FMN1: variants seen among roughly 807,000 people sequenced by gnomAD.
The protein encoded by FMN1 is formin-1.
Under a neutral mutation model 132.4 loss-of-function variants are expected in FMN1, and 110 were observed. That is an observed-to-expected ratio of 0.83 (90% confidence interval 0.71 to 0.97). The LOEUF (loss-of-function observed/expected upper bound fraction) is 0.97, where lower values mean the gene tolerates loss of function less well. Among genes scored for constraint, FMN1 ranks in the 50% least tolerant of loss-of-function variants. The pLI is 0.00. For synonymous variants in FMN1, 722 were observed against 651.7 expected (o/e 1.11, Z -1.64); for missense variants, 1,792 against 1,705.3 (o/e 1.05, Z -0.90).
Position 32,950,014 on chromosome 15 carries a change from T to TAC in FMN1, c.3138+14091_3138+14092dup, listed in dbSNP as rs1249219326. ...ATATATACACATACACATATATATA[T>TAC]ACACATATATATATATATACACATA... On this transcript the variant is annotated intron_variant, in intron 9 of 20. Transcript: ENST00000616417. Among the ~76,000 whole-genome samples, 10 of 7,124 alleles carry TAC rather than the reference T, an allele frequency of 1.4e-3. 2 individuals are homozygous for TAC. Among genetic ancestry groups the TAC allele is most frequent in the African/African-American group, 3.4e-3 (8 of 2,372 alleles). The allele number at this position is 7,124 out of a possible 152,430, so 4.7% of individuals were successfully genotyped here.
chr15:32,787,673 C>A (rs1400142611), intron 19 of FMN1, among the ~76,000 whole-genome samples: 11 of 152,086 alleles, frequency 7.2e-5, no homozygotes, highest in African/African-American at 1.2e-4. Context: ...CACAGCAAGA[C>A]CCTCTCAACT....
intron 4 of FMN1, among the ~76,000 whole-genome samples, chr15:33,111,731 G>C (rs2039713441): frequency 2.0e-5 from 3 of 152,046 alleles, no homozygotes; most frequent in South Asian, 2.1e-4. Flanking sequence ...GAAATTTCCA[G>C]AACAGGCAAA....
At chr15:32,941,092 C>T (rs1218865992) in intron 9 of FMN1, among the ~76,000 whole-genome samples, 1 of 152,140 alleles carries the variant, frequency 6.6e-6, no homozygotes. Flanking sequence ...AATCAAGCTG[C>T]AGGAACCAAT....
intron 6 of FMN1, among the ~76,000 whole-genome samples, chr15:33,008,396 G>A (rs2034529842): frequency 1.3e-5 from 2 of 152,040 alleles, no homozygotes; most frequent in South Asian, 4.1e-4. Context: ...TGGAAATTAA[G>A]TCCCCACAGA....
rs372589490 is a variant in FMN1, at chr15:32,785,910, A to C, written c.4131-8991T>G. Among the ~76,000 whole-genome samples, 160 of 152,344 alleles carry C rather than the reference A, an allele frequency of 1.1e-3. 5 individuals are homozygous for C. In the South Asian group the frequency reaches 0.03, roughly 28 times the overall value. On this transcript the variant is annotated intron_variant, in intron 19 of 20. Coordinates refer to ENST00000616417, the MANE Select transcript of FMN1 (RefSeq NM_001277313.2). ...ATGGTTCATGAAAGGCATCTTGGGAAACACATGAGATCTGACCAGCTATAA... is the reference window on the plus strand; with the variant it reads ...ATGGTTCATGAAAGGCATCTTGGGACACACATGAGATCTGACCAGCTATAA...
At chr15:33,076,077 G>C (rs180750719) in intron 5 of FMN1, among the ~76,000 whole-genome samples, 1 of 152,160 alleles carries the variant, frequency 6.6e-6, no homozygotes, top group African/African-American at 2.4e-5. Flanking sequence ...ATGTAAAAGG[G>C]GAGAGAAAGG....
intron 5 of FMN1, chr15:33,067,872 C>G (rs1566886233): frequency 6.2e-7 from 1 of 1,609,486 alleles, no homozygotes. Flanking sequence ...AGAGAATTAT[C>G]AACGTTCTCC....
At chr15:32,787,660 C>T (rs2056925405) in intron 19 of FMN1, among the ~76,000 whole-genome samples, 1 of 152,062 alleles carries the variant, frequency 6.6e-6, no homozygotes, top group South Asian at 2.1e-4. Flanking sequence ...CCAGCCTGGG[C>T]AACACAGCAA....
intron 6 of FMN1, among the ~76,000 whole-genome samples, chr15:33,026,438 A>ACACT: frequency 6.6e-6 from 1 of 151,700 alleles, no homozygotes; most frequent in East Asian, 1.9e-4. Context: ...ACACACACAC[A>ACACT]CTTCTGTTTA....
intron 6 of FMN1, among the ~76,000 whole-genome samples, chr15:33,040,335 T>C (rs2036373581): frequency 6.6e-6 from 1 of 152,188 alleles, no homozygotes; most frequent in African/African-American, 2.4e-5. Context: ...GAATGTTTGA[T>C]TGAACTTATT....
intron 18 of FMN1, 134 bp downstream of exon 18, chr15:32,804,147 G>T: frequency 1.5e-6 from 1 of 665,840 alleles, no homozygotes. Flanking sequence ...TGTTTAAAGG[G>T]TATAAAGTTT....
intron 18 of FMN1, 55 bp from the exon 19 acceptor site, chr15:32,799,008 C>T (rs2057387600): frequency 6.5e-7 from 1 of 1,536,718 alleles, no homozygotes; most frequent in Admixed American, 1.9e-5. Context: ...ATTGCCAACA[C>T]TAAAATCCAT....
chr15:33,004,267 T>C (rs1400712135), intron 7 of FMN1, among the ~76,000 whole-genome samples: 1 of 152,046 alleles, frequency 6.6e-6, no homozygotes, highest in Non-Finnish European at 1.5e-5. Flanking sequence ...ACCTACAGAA[T>C]GGGAGAAAAT....
intron 4 of FMN1, among the ~76,000 whole-genome samples, chr15:33,128,703 G>T (rs985260090): frequency 6.6e-6 from 1 of 152,324 alleles, no homozygotes; most frequent in East Asian, 1.9e-4. Context: ...TAAACCCGCG[G>T]ACCCTCACGG....
chr15:32,869,184 C>T (rs1228689086), intron 16 of FMN1, among the ~76,000 whole-genome samples: 2 of 152,162 alleles, frequency 1.3e-5, no homozygotes, highest in South Asian at 2.1e-4. Context: ...AGCTGTGGGA[C>T]CTTCTCTCCT....
chr15:33,093,654 C>T (rs1485880407), intron 4 of FMN1, among the ~76,000 whole-genome samples: 4 of 152,192 alleles, frequency 2.6e-5, no homozygotes, highest in Admixed American at 6.5e-5. Context: ...CTATCCACCC[C>T]AGCCTCTAAC....
chr15:32,878,865 G>GT (rs2059698396), intron 16 of FMN1, among the ~76,000 whole-genome samples: 1 of 152,060 alleles, frequency 6.6e-6, no homozygotes, highest in South Asian at 2.1e-4. Context: ...TATTAACCAC[G>GT]TGTTTTTATA....
chr15:32,910,288 T>TA (rs1257294292), intron 11 of FMN1, among the ~76,000 whole-genome samples, 186 bp downstream of exon 11: 16 of 152,220 alleles, frequency 1.1e-4, no homozygotes, highest in Admixed American at 5.9e-4. Flanking sequence ...CTAGCCCAGA[T>TA]ACCACAGTGG....
chr15:33,155,444 A>G (rs1026069649), intron 3 of FMN1, among the ~76,000 whole-genome samples: 1 of 152,202 alleles, frequency 6.6e-6, no homozygotes, highest in Non-Finnish European at 1.5e-5. Context: ...AGCCATTTTC[A>G]TAACTCATAT....
Sources: gnomAD v4.1 joint callset for allele counts (sites outside exome capture counted in the v4.1 genomes callset) on GRCh38, gnomAD v4.1.1 for gene constraint, MANE v1.5 for transcripts, NCBI Gene and HGNC (gene_info 2026-07-23, HGNC 2026-07-21) for gene names.